Variants in DENND3 observed in about 807,000 individuals in gnomAD.
DENND3 encodes the protein DENN domain-containing protein 3.
Under a neutral mutation model 135.1 loss-of-function variants are expected in DENND3, and 88 were observed. The observed-to-expected ratio is 0.65, with a 90% confidence interval of 0.55 to 0.78. The LOEUF is 0.78. DENND3 is among the 30% of genes least tolerant of loss of function. The probability of loss-of-function intolerance (pLI) is 0.00; values close to 1 mark genes in which losing one functional copy is unlikely to be tolerated. For missense variants in DENND3, 1,392 were observed against 1,688.4 expected (o/e 0.82, Z 3.08); for synonymous variants, 693 against 712.3 (o/e 0.97, Z 0.43).
At chr8:141,135,455 C>G (rs1017397588) in intron 1 of DENND3, among the ~76,000 whole-genome samples, 6 of 152,216 alleles carry the variant, frequency 3.9e-5, no homozygotes, top group African/African-American at 1.4e-4. Flanking sequence ...CCCGGCAATG[C>G]TGTCCTTTCT....
At chr8:141,134,028 T>C (rs1020407572) in intron 1 of DENND3, among the ~76,000 whole-genome samples, 11 of 151,918 alleles carry the variant, frequency 7.2e-5, no homozygotes, top group Non-Finnish European at 1.3e-4. Context: ...GAGAAGGGTC[T>C]GTAGGGGCCA....
chr8:141,138,018 G>A lies in DENND3; in HGVS notation c.386-4G>A. On this transcript the variant is annotated splice_region_variant and splice_polypyrimidine_tract_variant and intron_variant, in intron 2 of 22. Coordinates refer to ENST00000519811, the MANE Select transcript of DENND3 (RefSeq NM_001352890.3). The surrounding 1 kb of genome is among the most constrained non-coding windows in gnomAD (Gnocchi z 4.8). ...GATTCTTCTCTGTCTCTTTCTGCCT[G>A]CAGGGGGTGTGTGCGTGGCCACTGA... 1 of 1,591,096 alleles carries A rather than the reference G, an allele frequency of 6.3e-7. No homozygotes were observed. The highest frequency in any genetic ancestry group is 2.3e-5 in the East Asian group (1 of 44,210).
intron 5 of DENND3, among the ~76,000 whole-genome samples, chr8:141,145,494 C>T (rs1238215507): frequency 6.6e-6 from 1 of 152,014 alleles, no homozygotes; most frequent in Non-Finnish European, 1.5e-5. Flanking sequence ...CAGAATAAAC[C>T]CCTTTAAAAT....
In DENND3 at chr8:141,160,660, C is replaced by G. The variant is rs1463019464; in HGVS notation, c.1225C>G (p.Leu409Val). 6.2e-7 allele frequency: 1 copy of G among 1,609,984 alleles called. No homozygotes were observed. Among genetic ancestry groups the G allele is most frequent in the Non-Finnish European group, 8.5e-7 (1 of 1,177,474 alleles). Reference sequence around the variant, plus strand: ...GCAGAGCCTCCAGCTCCACCATGAGCTGCACGCCGCCCACCTCCTCTCCAG... The same window carrying G: ...GCAGAGCCTCCAGCTCCACCATGAGGTGCACGCCGCCCACCTCCTCTCCAG... ...RVQSLQLHHE[L>V]HAAHLLSSTD... is the part of the protein sequence containing the mutation. Residue 409 changes from leucine to valine, a missense_variant, in exon 9 of 23, where the codon CTG becomes GTG. Coordinates refer to ENST00000519811, the MANE Select transcript of DENND3 (RefSeq NM_001352890.3).
At chr8:141,192,733 TCCC>T in intron 22 of DENND3, 70 bp downstream of exon 22, 1 of 1,608,794 alleles carries the variant, frequency 6.2e-7, no homozygotes, top group South Asian at 1.1e-5. Flanking sequence ...ATCCCCATGC[TCCC>T]GAGAGCCAGC....
At chr8:141,131,103 T>G (rs767433549) in intron 1 of DENND3, among the ~76,000 whole-genome samples, 3 of 152,184 alleles carry the variant, frequency 2.0e-5, no homozygotes, top group South Asian at 2.1e-4. Context: ...TCCAGCTTCA[T>G]GTTGGATAGT....
chr8:141,185,819 T>C (rs1391449330), intron 18 of DENND3, among the ~76,000 whole-genome samples: 1 of 151,200 alleles, frequency 6.6e-6, no homozygotes, highest in African/African-American at 2.4e-5. Flanking sequence ...AGCCATACCC[T>C]GTCTCAAACA....
chr8:141,133,790 C>G (rs548836511), intron 1 of DENND3, among the ~76,000 whole-genome samples: 1 of 152,206 alleles, frequency 6.6e-6, no homozygotes, highest in Non-Finnish European at 1.5e-5. Flanking sequence ...GAGGAGAACA[C>G]AGGTGGGAGA....
Position 141,154,292 on chromosome 8 carries a change from T to C in DENND3, c.1075-1557T>C, listed in dbSNP as rs528230980. 6.6e-6 allele frequency among the ~76,000 whole-genome samples: 1 copy of C among 152,358 alleles called. No individual in the cohort carries two copies. Among genetic ancestry groups the C allele is most frequent in the Non-Finnish European group, 1.5e-5 (1 of 68,038 alleles). On this transcript the variant is annotated intron_variant, in intron 7 of 22. Coordinates refer to ENST00000519811, the MANE Select transcript of DENND3 (RefSeq NM_001352890.3). This position sits in a 1 kb window ranked among gnomAD's most constrained non-coding sequence, Gnocchi z 4.4. ...TGCGTGACTCAGTATTTGTGTACTCTGTCACAGGAGCCTCTCCAAGTCATC... is the reference window on the plus strand; with the variant it reads ...TGCGTGACTCAGTATTTGTGTACTCCGTCACAGGAGCCTCTCCAAGTCATC...
rs1361657443 is a variant in DENND3, at chr8:141,163,316, CTCTT to C, written c.1353-13_1353-10del. 2 of 1,503,182 alleles carry C rather than the reference CTCTT, an allele frequency of 1.3e-6. No individual in the cohort carries two copies. The allele number at this position is 1,503,182 out of a possible 1,614,324, so 93.1% of individuals were successfully genotyped here. A position where few individuals can be genotyped will look rare whatever the true frequency, so the allele number is the denominator to read the frequency against. On this transcript the variant is annotated splice_polypyrimidine_tract_variant and intron_variant, in intron 9 of 22. Transcript: ENST00000519811. ...TTAAGAAAGTTTTAGCACTCAGACTCTCTTTCTCTTTGTTAGGGATGTAAAGAAT... is the reference window on the plus strand; with the variant it reads ...TTAAGAAAGTTTTAGCACTCAGACTCTCTCTTTGTTAGGGATGTAAAGAAT...
chr8:141,178,537 A>T (rs1404724357), intron 16 of DENND3, among the ~76,000 whole-genome samples: 1 of 152,102 alleles, frequency 6.6e-6, no homozygotes, highest in East Asian at 1.9e-4. Context: ...AACCTGTGGG[A>T]GGTTGTGGAG....
chr8:141,157,409 A>AGCAGGAGGAGAGATCCTGCTCTTGAGT (rs1819575303), intron 8 of DENND3: 1 of 985,352 alleles, frequency 1.0e-6, no homozygotes, highest in African/African-American at 1.7e-5. Flanking sequence ...ATAAAATGAT[A>AGCAGGAGGAGAGATCCTGCTCTTGAGT]GCAGGAGGAG....
intron 5 of DENND3, among the ~76,000 whole-genome samples, 171 bp from the exon 6 acceptor site, chr8:141,150,663 C>G (rs1397647897): frequency 7.2e-5 from 11 of 152,220 alleles, no homozygotes. Context: ...ATCGGCAGTT[C>G]TGTATATCTC....
Position 141,138,684 on chromosome 8 carries a change from C to T in DENND3, c.501+547C>T, listed in dbSNP as rs576544052. On this transcript the variant is annotated intron_variant, in intron 3 of 22. Coordinates refer to ENST00000519811, the MANE Select transcript of DENND3 (RefSeq NM_001352890.3). This position sits in a 1 kb window ranked among gnomAD's most constrained non-coding sequence, Gnocchi z 4.8. The stretch of plus-strand genomic sequence containing the variant: ...TACAGGTGTGAGCGCTGCGCCCGGC[C>T]GGCTAATCCCCTTTCTGTCTCTGGA... Among the ~76,000 whole-genome samples the T allele has an allele frequency of 6.6e-6, 1 of 152,148 alleles. No individual in the cohort carries two copies. Among genetic ancestry groups the T allele is most frequent in the South Asian group, 2.1e-4 (1 of 4,826 alleles).
chr8:141,176,282 CA>C (rs1198101816), intron 14 of DENND3: 6 of 86,922 alleles, frequency 6.9e-5, no homozygotes, highest in Admixed American at 6.1e-4. Flanking sequence ...AAAACAAAAA[CA>C]AAACAAAAAA....
rs11991693 is a variant in DENND3, at chr8:141,144,628, A to G, written c.735+369A>G. ...TCTTGGCCAACGGGACCCTAGAAAA[A>G]CCTTAAAAATGAAATTCCCGGCCAT... On this transcript the variant is annotated intron_variant, in intron 5 of 22. Coordinates refer to ENST00000519811, the MANE Select transcript of DENND3 (RefSeq NM_001352890.3). The surrounding 1 kb of genome is among the most constrained non-coding windows in gnomAD (Gnocchi z 4.4). Among the ~76,000 whole-genome samples the G allele has an allele frequency of 4.4e-3, 664 of 152,172 alleles. 5 individuals carry two copies. Among genetic ancestry groups the G allele is most frequent in the African/African-American group, 0.015 (635 of 41,502 alleles).
Position 141,188,662 on chromosome 8 carries a change from G to A in DENND3, c.3085-324G>A, listed in dbSNP as rs539360026. ...TCCCTAAGCACAAGGAGGCGGTGAC[G>A]TGTCTTGCAGAGAAAATGCATGTGT... On this transcript the variant is annotated intron_variant, in intron 18 of 22. Transcript: ENST00000519811. The A allele has an allele frequency of 2.5e-4, 65 of 259,014 alleles. 1 individual carries two copies. Among genetic ancestry groups the A allele is most frequent in the Middle Eastern group, 2.2e-3 (2 of 894 alleles). 16.0% of individuals were successfully genotyped at this position (259,014 alleles called of 1,614,324 possible). A position where few individuals can be genotyped will look rare whatever the true frequency, so the allele number is the denominator to read the frequency against.
intron 5 of DENND3, among the ~76,000 whole-genome samples, chr8:141,148,570 A>G (rs540094653): frequency 1.4e-4 from 22 of 152,296 alleles, no homozygotes; most frequent in Admixed American, 3.3e-4. Flanking sequence ...CTGGGGCTCA[A>G]ATCAAGCTGA....
rs985821132 is a variant in DENND3 at position 141,144,752 on chromosome 8, G to A, written c.735+493G>A. The stretch of plus-strand genomic sequence containing the variant: ...AGGTTAAAATGGAGATCCTAAGACC[G>A]ACAGAACAGACTCTCTGTGGCCATA... On this transcript the variant is annotated intron_variant, in intron 5 of 22. Transcript: ENST00000519811. The surrounding 1 kb of genome is among the most constrained non-coding windows in gnomAD (Gnocchi z 4.4). 6.6e-6 allele frequency among the ~76,000 whole-genome samples: 1 copy of A among 152,118 alleles called. No individual in the cohort carries two copies.
Sources: allele counts gnomAD v4.1 joint callset (sites outside exome capture counted in the v4.1 genomes callset), GRCh38; gene constraint gnomAD v4.1.1; non-coding constraint Gnocchi (gnomAD v3.1); transcripts MANE v1.5; gene names NCBI Gene and HGNC (gene_info 2026-07-23, HGNC 2026-07-21).